The following CDH13 variants were observed in gnomAD, a reference collection of about 807,000 sequenced individuals.
CDH13 encodes cadherin-13.
CDH13 carries 24 observed loss-of-function variants against 63.8 expected under a neutral mutation model. The ratio of observed to expected loss-of-function variants is 0.38; its 90% confidence interval spans 0.27 to 0.53. The LOEUF (loss-of-function observed/expected upper bound fraction) is 0.53, where lower values mean the gene tolerates loss of function less well. Among genes scored for constraint, CDH13 ranks in the 20% least tolerant of loss-of-function variants. The probability of loss-of-function intolerance (pLI) is 0.85; values close to 1 mark genes in which losing one functional copy is unlikely to be tolerated. For missense variants in CDH13, 1,049 were observed against 903.1 expected (o/e 1.16, Z -2.07); for synonymous variants, 503 against 355.3 (o/e 1.42, Z -4.67).
intron 2 of CDH13, among the ~76,000 whole-genome samples, chr16:82,965,574 C>G (rs573189387): frequency 2.0e-4 from 31 of 152,300 alleles, no homozygotes; most frequent in Admixed American, 1.2e-3. Context: ...CTCTGCCACC[C>G]AAGCTGGAGT....
Position 83,560,897 on chromosome 16 carries a change from TG to T in CDH13, c.961-41555del. On this transcript the variant is annotated intron_variant, in intron 7 of 13. Transcript: ENST00000567109. The stretch of plus-strand genomic sequence containing the variant: ...GGCAAGGACAAGTGTACCATAAGGT[TG>T]GCCCCCCCCCCGCCCCAGGGGCTGA... Among the ~76,000 whole-genome samples, 2 of 102,366 alleles carry T rather than the reference TG, an allele frequency of 2.0e-5. 1 individual carries two copies. The highest frequency in any genetic ancestry group is 6.4e-5 in the African/African-American group (2 of 31,274). The allele number at this position is 102,366 out of a possible 152,430, so 67.2% of individuals were successfully genotyped here. A position where few individuals can be genotyped will look rare whatever the true frequency, so the allele number is the denominator to read the frequency against.
At chr16:83,749,436 A>G (rs1912893219) in intron 11 of CDH13, among the ~76,000 whole-genome samples, 1 of 152,196 alleles carries the variant, frequency 6.6e-6, no homozygotes, top group African/African-American at 2.4e-5. Flanking sequence ...AAGGCAGAGG[A>G]ATCAAAACTA....
intron 8 of CDH13, among the ~76,000 whole-genome samples, chr16:83,668,065 G>A (rs1186117445): frequency 6.6e-6 from 1 of 152,164 alleles, no homozygotes; most frequent in Admixed American, 6.5e-5. Context: ...CTCTGCTGGA[G>A]CACAGGGAAG....
At chr16:83,578,901 G>GT (rs1190688440) in intron 7 of CDH13, among the ~76,000 whole-genome samples, 1 of 152,222 alleles carries the variant, frequency 6.6e-6, no homozygotes, top group African/African-American at 2.4e-5. Context: ...CTGAGGCTTA[G>GT]TGAGGTTAAC....
intron 1 of CDH13, among the ~76,000 whole-genome samples, chr16:82,642,603 G>A (rs2150890506): frequency 6.6e-6 from 1 of 152,260 alleles, no homozygotes; most frequent in African/African-American, 2.4e-5. Context: ...CCACCAGACT[G>A]TGCATTACGT....
intron 2 of CDH13, among the ~76,000 whole-genome samples, chr16:83,023,922 C>A (rs889540193): frequency 8.5e-5 from 13 of 152,178 alleles, no homozygotes; most frequent in Non-Finnish European, 1.3e-4. Context: ...CAATGTCTTC[C>A]TGTTTATCAG....
intron 8 of CDH13, among the ~76,000 whole-genome samples, chr16:83,636,670 C>A (rs777400378): frequency 1.3e-5 from 2 of 152,116 alleles, no homozygotes; most frequent in Non-Finnish European, 1.5e-5. Flanking sequence ...TTGATGGGCA[C>A]CTGGGTTTGT....
At position 82,844,031 on chromosome 16, in the gene CDH13, G is replaced by A. The variant is rs903763385; in HGVS notation, c.46-14331G>A. 4.6e-5 allele frequency among the ~76,000 whole-genome samples: 7 copies of A among 152,150 alleles called. No homozygotes were observed. The South Asian group carries it at 1.0e-3, about 23-fold the overall frequency. On this transcript the variant is annotated intron_variant, in intron 1 of 13. Coordinates refer to ENST00000567109, the MANE Select transcript of CDH13 (RefSeq NM_001257.5). ...TTTCCCTCTTGTAAGCTTCTCATGG[G>A]CTGTGGTAGGCTGAGTAATGGTCCC...
At chr16:83,420,775 C>T (rs1195381781) in intron 6 of CDH13, among the ~76,000 whole-genome samples, 9 of 152,106 alleles carry the variant, frequency 5.9e-5, no homozygotes, top group Non-Finnish European at 1.3e-4. Context: ...CTAGGGAAAC[C>T]AACAATGCAA....
intron 1 of CDH13, among the ~76,000 whole-genome samples, chr16:82,676,796 A>G (rs1031455071): frequency 6.6e-6 from 1 of 151,404 alleles, no homozygotes; most frequent in Admixed American, 6.6e-5. Flanking sequence ...AACTCCAGCC[A>G]CCCCAGTCCT....
At chr16:83,087,422 C>G (rs1012799009) in intron 3 of CDH13, among the ~76,000 whole-genome samples, 1 of 152,090 alleles carries the variant, frequency 6.6e-6, no homozygotes, top group Non-Finnish European at 1.5e-5. Flanking sequence ...GTAATCCCAG[C>G]ACTTTGAGAG....
chr16:83,587,369 G>A (rs1906268249), intron 7 of CDH13, among the ~76,000 whole-genome samples: 2 of 152,180 alleles, frequency 1.3e-5, no homozygotes, highest in African/African-American at 4.8e-5. Flanking sequence ...ATGGCTGCAA[G>A]TCGTAGACAT....
At chr16:83,140,726 A>G (rs919204202) in intron 4 of CDH13, among the ~76,000 whole-genome samples, 1 of 152,184 alleles carries the variant, frequency 6.6e-6, no homozygotes, top group Non-Finnish European at 1.5e-5. Flanking sequence ...AAGTGCTGGG[A>G]TTACAGGTGC....
chr16:83,743,423 T>A (rs1185421123), intron 10 of CDH13, among the ~76,000 whole-genome samples: 2 of 152,084 alleles, frequency 1.3e-5, no homozygotes, highest in African/African-American at 4.8e-5. Context: ...TGCCTCCGAG[T>A]TCATGTCTCT....
intron 4 of CDH13, among the ~76,000 whole-genome samples, chr16:83,175,891 C>T (rs146461969): frequency 1.1e-3 from 151 of 140,404 alleles, no homozygotes; most frequent in African/African-American, 4.0e-3. Flanking sequence ...TGTAATGGCG[C>T]GATCTCGGCT....
intron 10 of CDH13, chr16:83,721,495 G>A (rs254316): frequency 0.13 from 19,047 of 152,268 alleles, 1,327 homozygotes; most frequent in Middle Eastern, 0.2. Flanking sequence ...GGAGCAGTGC[G>A]CTGCCTTGCA....
Position 83,147,102 on chromosome 16 carries a change from T to C in CDH13, c.483+21601T>C, listed in dbSNP as rs200622262. Among the ~76,000 whole-genome samples the C allele has an allele frequency of 1.4e-4, 21 of 152,126 alleles. No individual in the cohort carries two copies. In the East Asian group the frequency reaches 3.9e-3, roughly 28 times the overall value. Reference sequence around the variant, plus strand: ...GACTCCATCTTAAAAAAAAAGCCCATGGAGGCTGCACTCCAAAGGTGGAGC... The same window carrying C: ...GACTCCATCTTAAAAAAAAAGCCCACGGAGGCTGCACTCCAAAGGTGGAGC... On this transcript the variant is annotated intron_variant, in intron 4 of 13. Transcript: ENST00000567109.
At chr16:83,635,173 C>A (rs187221339) in intron 8 of CDH13, among the ~76,000 whole-genome samples, 74 of 152,160 alleles carry the variant, frequency 4.9e-4, no homozygotes, top group Non-Finnish European at 6.3e-4. Context: ...TGTTAATTTG[C>A]ATCTCCCTAA....
At chr16:82,852,841 C>G in intron 1 of CDH13, among the ~76,000 whole-genome samples, 1 of 152,148 alleles carries the variant, frequency 6.6e-6, no homozygotes, top group East Asian at 1.9e-4. Flanking sequence ...CTAACCACAT[C>G]TGCTGGCCAC....
Sources: allele counts gnomAD v4.1 joint callset (sites outside exome capture counted in the v4.1 genomes callset), GRCh38; gene constraint gnomAD v4.1.1; transcripts MANE v1.5; gene names NCBI Gene and HGNC (gene_info 2026-07-23, HGNC 2026-07-21).